TTC29: variants seen among roughly 807,000 people sequenced by gnomAD.
The protein encoded by TTC29 is tetratricopeptide repeat protein 29.
Under a neutral mutation model 58.1 loss-of-function variants are expected in TTC29, and 49 were observed. That is an observed-to-expected ratio of 0.84 (90% CI 0.67 to 1.07). The LOEUF (loss-of-function observed/expected upper bound fraction) is 1.07. Ranked by LOEUF, TTC29 falls within the 50% of genes least tolerant of loss-of-function variation. The pLI is 0.00. For synonymous variants in TTC29, 209 were observed against 196.8 expected, an observed-to-expected ratio of 1.06 and a Z score of -0.52; for missense variants, 582 against 555.6, an observed-to-expected ratio of 1.05 and a Z score of -0.48.
intron 4 of TTC29, among the ~76,000 whole-genome samples, chr4:146,925,960 A>G (rs1415256629): frequency 2.0e-5 from 3 of 152,104 alleles, no homozygotes; most frequent in African/African-American, 7.2e-5. Context: ...ATAACAATAG[A>G]TTGCCTTTGT....
At chr4:146,895,247 G>A (rs1261492835) in intron 6 of TTC29, among the ~76,000 whole-genome samples, 1 of 152,106 alleles carries the variant, frequency 6.6e-6, no homozygotes, top group Non-Finnish European at 1.5e-5. Context: ...TAGCCTGGCA[G>A]GAGCTTCCAA....
At chr4:146,818,894 T>C (rs960844975) in intron 10 of TTC29, among the ~76,000 whole-genome samples, 1 of 149,422 alleles carries the variant, frequency 6.7e-6, no homozygotes, top group African/African-American at 2.5e-5. Flanking sequence ...TGAGAACACA[T>C]GGACACAGGA....
chr4:146,936,437 AT>A (rs1242778179), intron 4 of TTC29, among the ~76,000 whole-genome samples: 3 of 152,134 alleles, frequency 2.0e-5, no homozygotes. Flanking sequence ...GCATACATAT[AT>A]TTTTCTTTTA....
At chr4:146,939,937 G>A (rs1199265176) in intron 2 of TTC29, 36 bp from the exon 3 acceptor site, 3 of 1,555,906 alleles carry the variant, frequency 1.9e-6, no homozygotes, top group African/African-American at 2.8e-5. Context: ...GTATTTTAAG[G>A]AATAAATCTT....
chr4:146,776,253 C>T (rs1748082915), intron 11 of TTC29, among the ~76,000 whole-genome samples: 1 of 152,114 alleles, frequency 6.6e-6, no homozygotes, highest in Non-Finnish European at 1.5e-5. Flanking sequence ...TGTCGATGAT[C>T]TTCACTCCTA....
At chr4:146,716,720 C>A (rs1210701131) in intron 11 of TTC29, among the ~76,000 whole-genome samples, 1 of 152,074 alleles carries the variant, frequency 6.6e-6, no homozygotes, top group Non-Finnish European at 1.5e-5. Flanking sequence ...TATATCTGGT[C>A]AGCAGCAAAG....
chr4:146,831,598 C>A, intron 9 of TTC29: 1 of 342,612 alleles, frequency 2.9e-6, no homozygotes, highest in South Asian at 2.3e-5. Flanking sequence ...CACTCCCAAG[C>A]TCCAAATAAT....
At chr4:146,927,288 G>C (rs1186883457) in intron 4 of TTC29, among the ~76,000 whole-genome samples, 4 of 152,036 alleles carry the variant, frequency 2.6e-5, no homozygotes, top group Non-Finnish European at 4.4e-5. Flanking sequence ...CTGAAGTACA[G>C]AAAGGTTAAG....
chr4:146,889,405 C>T (rs185228882), intron 6 of TTC29, among the ~76,000 whole-genome samples: 21 of 152,090 alleles, frequency 1.4e-4, no homozygotes, highest in Admixed American at 5.9e-4. Flanking sequence ...ACAATACATG[C>T]ACAAAGTAAC....
intron 11 of TTC29, among the ~76,000 whole-genome samples, chr4:146,743,964 G>A (rs2150038511): frequency 6.6e-6 from 1 of 152,268 alleles, no homozygotes; most frequent in Non-Finnish European, 1.5e-5. Flanking sequence ...AATATTTGAA[G>A]CATTCATTCA....
intron 8 of TTC29, among the ~76,000 whole-genome samples, chr4:146,838,682 A>C (rs1728664565): frequency 6.6e-6 from 1 of 151,998 alleles, no homozygotes; most frequent in Non-Finnish European, 1.5e-5. Context: ...GCATGAGTCT[A>C]CTTAATGCGA....
chr4:146,902,591 C>G (rs1733225320), intron 6 of TTC29, among the ~76,000 whole-genome samples: 1 of 152,128 alleles, frequency 6.6e-6, no homozygotes, highest in South Asian at 2.1e-4. Flanking sequence ...ATTTACAAGC[C>G]TAAATTCCAC....
chr4:146,872,597 A>G (rs1363189017), intron 7 of TTC29, among the ~76,000 whole-genome samples: 1 of 152,124 alleles, frequency 6.6e-6, no homozygotes, highest in African/African-American at 2.4e-5. Flanking sequence ...ACGTCTGCCG[A>G]GAAGATATAC....
At chr4:146,892,039 C>A (rs1243913834) in intron 6 of TTC29, among the ~76,000 whole-genome samples, 1 of 151,968 alleles carries the variant, frequency 6.6e-6, no homozygotes, top group African/African-American at 2.4e-5. Context: ...ATCTGTGTCC[C>A]CTCCCAAATC....
intron 10 of TTC29, among the ~76,000 whole-genome samples, chr4:146,805,687 A>T (rs1207282577): frequency 6.6e-6 from 1 of 152,014 alleles, no homozygotes; most frequent in African/African-American, 2.4e-5. Context: ...AAGATTAGAG[A>T]AAAAAGAAGA....
At chr4:146,777,431 A>G (rs61032558) in intron 11 of TTC29, among the ~76,000 whole-genome samples, 8,504 of 150,718 alleles carry the variant, frequency 0.056, 818 homozygotes, top group African/African-American at 0.2. Context: ...TATCATTTTT[A>G]TTTGTGTGTT....
chr4:146,912,298 G>A (rs2150288968), intron 4 of TTC29, among the ~76,000 whole-genome samples: 1 of 152,162 alleles, frequency 6.6e-6, no homozygotes, highest in South Asian at 2.1e-4. Context: ...GGATGCCCAG[G>A]TACATTTTAA....
chr4:146,827,569 A>G (rs993296600), intron 9 of TTC29, among the ~76,000 whole-genome samples: 2 of 152,228 alleles, frequency 1.3e-5, no homozygotes, highest in African/African-American at 4.8e-5. Flanking sequence ...AGAAAGATGT[A>G]CGTTTGAATC....
chr4:146,850,995 C>T (rs536185332), intron 8 of TTC29, among the ~76,000 whole-genome samples: 2 of 152,254 alleles, frequency 1.3e-5, no homozygotes, highest in Non-Finnish European at 2.9e-5. Flanking sequence ...GAATTTTCAT[C>T]AATATGCTGT....
Sources: gnomAD v4.1 joint callset for allele counts (sites outside exome capture counted in the v4.1 genomes callset) on GRCh38, gnomAD v4.1.1 for gene constraint, MANE v1.5 for transcripts, NCBI Gene and HGNC (gene_info 2026-07-23, HGNC 2026-07-21) for gene names.